Variants in BCAS3 observed in about 807,000 individuals in gnomAD.
BCAS3 encodes the protein BCAS3 microtubule associated cell migration factor, also known as BCAS4/BCAS3 fusion.
In BCAS3, 53 loss-of-function variants were observed where a neutral mutation model predicts 116.1. That is an observed-to-expected ratio of 0.46 (90% CI 0.37 to 0.57). The LOEUF is 0.57. Among genes scored for constraint, BCAS3 ranks in the 20% least tolerant of loss-of-function variants. The probability of loss-of-function intolerance (pLI) is 0.00; values close to 1 mark genes in which losing one functional copy is unlikely to be tolerated. For synonymous variants in BCAS3, 391 were observed against 408.2 expected, an observed-to-expected ratio of 0.96 and a Z score of 0.51; for missense variants, 917 against 1,165.4, an observed-to-expected ratio of 0.79 and a Z score of 3.10.
chr17:61,005,276 G>A (rs1371873297), intron 15 of BCAS3, among the ~76,000 whole-genome samples: 1 of 151,898 alleles, frequency 6.6e-6, no homozygotes, highest in African/African-American at 2.4e-5. Context: ...TGCTTAGTTT[G>A]ATTTTTTTCT....
chr17:60,678,278 G>A (rs2032327512), intron 1 of BCAS3, among the ~76,000 whole-genome samples: 1 of 152,174 alleles, frequency 6.6e-6, no homozygotes, highest in Non-Finnish European at 1.5e-5. Flanking sequence ...ATCCTCTGAG[G>A]AGGTGGTGGC....
chr17:60,702,197 A>G (rs1417369609), intron 4 of BCAS3, among the ~76,000 whole-genome samples: 1 of 152,240 alleles, frequency 6.6e-6, no homozygotes, highest in African/African-American at 2.4e-5. Flanking sequence ...TACCTGTAGT[A>G]CATACTGTAC....
rs904412614 is a variant in BCAS3 at position 61,344,667 on chromosome 17, AAGCTGCAGTTG to A, written c.2426-23657_2426-23647del. 8.5e-5 allele frequency among the ~76,000 whole-genome samples: 13 copies of A among 152,146 alleles called. No homozygotes were observed. The highest frequency in any genetic ancestry group is 3.2e-3 in the Middle Eastern group (1 of 316). ...AAAAGGCTTCCCAGAAGTTCGATTT[AAGCTGCAGTTG>A]AGGGATGAGCAAGGCGAAGATGTAA... is the stretch of plus-strand genomic sequence containing the variant. On this transcript the variant is annotated intron_variant, in intron 22 of 23. Transcript: ENST00000407086. The surrounding 1 kb of genome is among the most constrained non-coding windows in gnomAD (Gnocchi z 4.1).
chr17:60,849,565 TA>T, intron 7 of BCAS3, among the ~76,000 whole-genome samples: 1 of 152,278 alleles, frequency 6.6e-6, no homozygotes, highest in Non-Finnish European at 1.5e-5. Flanking sequence ...AAAAAGTTTA[TA>T]AAGAGATTTT....
rs1325511309 is a variant in BCAS3 at position 61,029,173 on chromosome 17, A to G, written c.1638-5493A>G. Among the ~76,000 whole-genome samples, 1 of 151,986 alleles carries G rather than the reference A, an allele frequency of 6.6e-6. No homozygotes were observed. The highest frequency in any genetic ancestry group is 2.4e-5 in the African/African-American group (1 of 41,442). ...TTTTTAAATGAAATGTAAATTTTCT[A>G]CAAACTTTTTATTAGTTTCGAGTTG... On this transcript the variant is annotated intron_variant, in intron 16 of 23. Transcript: ENST00000407086. This position sits in a 1 kb window ranked among gnomAD's most constrained non-coding sequence, Gnocchi z 5.2.
intron 16 of BCAS3, among the ~76,000 whole-genome samples, chr17:61,025,356 T>C (rs2066164199): frequency 1.3e-5 from 2 of 152,114 alleles, no homozygotes; most frequent in Admixed American, 6.6e-5. Context: ...GCATTGCTGT[T>C]ATCTAGGAGC....
rs567385469 is a variant in BCAS3, at chr17:61,186,976, C to T, written c.2425+102412C>T. 6.2e-4 allele frequency among the ~76,000 whole-genome samples: 94 copies of T among 152,314 alleles called. No individual in the cohort carries two copies. The highest frequency in any genetic ancestry group is 2.3e-3 in the African/African-American group (94 of 41,564). ...CCACCCACCTCGGCCTCCCAAAGTG[C>T]TGGGATTACAAGCGTGAGCCACTGC... On this transcript the variant is annotated intron_variant, in intron 22 of 23. Transcript: ENST00000407086. This position sits in a 1 kb window ranked among gnomAD's most constrained non-coding sequence, Gnocchi z 4.9.
At chr17:61,035,930 G>A (rs2066994146) in intron 17 of BCAS3, among the ~76,000 whole-genome samples, 2 of 152,152 alleles carry the variant, frequency 1.3e-5, no homozygotes, top group Middle Eastern at 3.4e-3. Flanking sequence ...CTTATGAATT[G>A]TTTATTTCTG....
chr17:60,739,803 C>T (rs1421196507), intron 5 of BCAS3, among the ~76,000 whole-genome samples: 1 of 151,960 alleles, frequency 6.6e-6, no homozygotes, highest in East Asian at 1.9e-4. Context: ...TCCTGTTTGT[C>T]CAAGAAAGTT....
At position 61,051,825 on chromosome 17, in the gene BCAS3, T is replaced by C. The variant is rs1408549220; in HGVS notation, c.2029+10933T>C. Among the ~76,000 whole-genome samples the C allele has an allele frequency of 6.6e-6, 1 of 151,838 alleles. No homozygotes were observed. Among genetic ancestry groups the C allele is most frequent in the Non-Finnish European group, 1.5e-5 (1 of 67,990 alleles). ...TTGTGAGATGGCACTAAATCCATAC[T>C]CAAGGGAAAAATTATAGGGCTAATG... On this transcript the variant is annotated intron_variant, in intron 19 of 23. Transcript: ENST00000407086. This position sits in a 1 kb window ranked among gnomAD's most constrained non-coding sequence, Gnocchi z 4.1.
chr17:60,825,630 C>T (rs1330310317), intron 7 of BCAS3, among the ~76,000 whole-genome samples: 1 of 149,610 alleles, frequency 6.7e-6, no homozygotes, highest in African/African-American at 2.5e-5. Context: ...GTGATCAAGG[C>T]AGTGGCAGGT....
Position 60,994,707 on chromosome 17 carries a change from T to C in BCAS3, c.1486+4472T>C, listed in dbSNP as rs1223445571. On this transcript the variant is annotated intron_variant, in intron 15 of 23. Transcript: ENST00000407086. The surrounding 1 kb of genome is among the most constrained non-coding windows in gnomAD (Gnocchi z 4.4). ...CACATGTATTTATTTTTTGATAACT[T>C]TCCTATTTGCAACTTTTCTTTATTT... Among the ~76,000 whole-genome samples the C allele has an allele frequency of 1.3e-5, 2 of 152,208 alleles. No homozygotes were observed. The highest frequency in any genetic ancestry group is 2.9e-5 in the Non-Finnish European group (2 of 68,028).
At chr17:60,750,189 C>T (rs1217362105) in intron 6 of BCAS3, among the ~76,000 whole-genome samples, 2 of 151,416 alleles carry the variant, frequency 1.3e-5, no homozygotes, top group Non-Finnish European at 1.5e-5. Flanking sequence ...GAAAATTAAT[C>T]CATGTAATTT....
intron 7 of BCAS3, among the ~76,000 whole-genome samples, chr17:60,824,455 C>G (rs768479948): frequency 2.6e-5 from 4 of 152,172 alleles, no homozygotes; most frequent in Non-Finnish European, 5.9e-5. Context: ...TATCTCTTGT[C>G]CAGCACATGT....
chr17:60,723,294 C>T (rs561490101), intron 5 of BCAS3, among the ~76,000 whole-genome samples: 1 of 152,006 alleles, frequency 6.6e-6, no homozygotes, highest in African/African-American at 2.4e-5. Flanking sequence ...GGCGTGATTT[C>T]GCCCACTGCA....
At chr17:60,772,556 A>G (rs2044825674) in intron 6 of BCAS3, among the ~76,000 whole-genome samples, 1 of 152,124 alleles carries the variant, frequency 6.6e-6, no homozygotes, top group African/African-American at 2.4e-5. Context: ...AGCCAATTAG[A>G]TCCCATTTGA....
At position 61,181,120 on chromosome 17, in the gene BCAS3, G is replaced by A. The variant is rs1483071346; in HGVS notation, c.2425+96556G>A. ...ACACGCCTGTAGTCTCAGCTACTCA[G>A]GAGCTGGGAGGATCACTTGACCCTA... On this transcript the variant is annotated intron_variant, in intron 22 of 23. Transcript: ENST00000407086. The surrounding 1 kb of genome is among the most constrained non-coding windows in gnomAD (Gnocchi z 5.0). Among the ~76,000 whole-genome samples the A allele has an allele frequency of 1.3e-5, 2 of 152,102 alleles. No homozygotes were observed. Among genetic ancestry groups the A allele is most frequent in the African/African-American group, 2.4e-5 (1 of 41,410 alleles).
rs2066004263 is a variant in BCAS3, at chr17:61,023,362, G to A, written c.1637+7461G>A. 6.6e-6 allele frequency among the ~76,000 whole-genome samples: 1 copy of A among 152,168 alleles called. No individual in the cohort carries two copies. The highest frequency in any genetic ancestry group is 2.4e-5 in the African/African-American group (1 of 41,430). On this transcript the variant is annotated intron_variant, in intron 16 of 23. Coordinates refer to ENST00000407086, the MANE Select transcript of BCAS3 (RefSeq NM_017679.5). The surrounding 1 kb of genome is among the most constrained non-coding windows in gnomAD (Gnocchi z 4.8). ...TCATTCTGATGTCTGTTCTGTGGCA[G>A]TGCCTGAATTGTCTTAGGACATGAT...
At position 60,944,481 on chromosome 17, in the gene BCAS3, T is replaced by C. The variant is rs930823190; in HGVS notation, c.1088-2738T>C. ...TAATAGCAATCCTACATCTTTTTTTTCCCCAGAAATTAACAGAGTAAGGAG... is the reference window on the plus strand; with the variant it reads ...TAATAGCAATCCTACATCTTTTTTTCCCCCAGAAATTAACAGAGTAAGGAG... On this transcript the variant is annotated intron_variant, in intron 13 of 23. Transcript: ENST00000407086. 9.9e-5 allele frequency among the ~76,000 whole-genome samples: 15 copies of C among 152,084 alleles called. 1 individual carries two copies. Among genetic ancestry groups the C allele is most frequent in the South Asian group, 8.3e-4 (4 of 4,830 alleles).
Sources: gnomAD v4.1 joint callset for allele counts (sites outside exome capture counted in the v4.1 genomes callset) on GRCh38, gnomAD v4.1.1 for gene constraint, Gnocchi (gnomAD v3.1) non-coding constraint, MANE v1.5 for transcripts, NCBI Gene and HGNC (gene_info 2026-07-23, HGNC 2026-07-21) for gene names.